The following COL4A6 variants were observed in gnomAD, a reference collection of about 807,000 sequenced individuals.
COL4A6 encodes collagen type IV alpha 6 chain, also known as collagen alpha-6(IV) chain.
In COL4A6, 59 loss-of-function variants were observed where a neutral mutation model predicts 126.7. That is an observed-to-expected ratio of 0.47 (90% CI 0.38 to 0.58). The LOEUF is 0.58. COL4A6 is among the 20% of genes least tolerant of loss of function. The pLI is 0.00. For synonymous variants in COL4A6, 547 were observed against 496.6 expected (o/e 1.10, Z -1.35); for missense variants, 1,285 against 1,337.3 (o/e 0.96, Z 0.61).
At chrX:108,240,374 T>A (rs1239588827) in intron 3 of COL4A6, among the ~76,000 whole-genome samples, 1 of 112,479 alleles carries the variant, frequency 8.9e-6, no homozygotes, top group Non-Finnish European at 1.9e-5. Context: ...TTGATTCAGA[T>A]CTATTACATC....
chrX:108,438,015 G>C (rs1193890029), intron 1 of COL4A6, 22 bp from the exon 2 acceptor site: 1 of 1,208,758 alleles, frequency 8.3e-7, no homozygotes. Context: ...GGGAGGGTGA[G>C]TAATGGGCTC....
intron 3 of COL4A6, among the ~76,000 whole-genome samples, chrX:108,303,840 T>C (rs1369747010): frequency 2.7e-5 from 3 of 111,638 alleles, no homozygotes; most frequent in African/African-American, 9.8e-5. Context: ...AAATGAGTTA[T>C]ATCTGAGGCA....
intron 3 of COL4A6, among the ~76,000 whole-genome samples, chrX:108,256,343 T>C (rs1475118757): frequency 1.8e-5 from 2 of 112,201 alleles, no homozygotes; most frequent in Non-Finnish European, 3.8e-5. Flanking sequence ...TTACTGGCTC[T>C]AGCATCCTGA....
chrX:108,175,545 T>C, intron 29 of COL4A6, 109 bp downstream of exon 29: 1 of 914,465 alleles, frequency 1.1e-6, no homozygotes, highest in South Asian at 2.8e-5. Flanking sequence ...CAAATTTTTA[T>C]TATCTAACAT....
chrX:108,437,453 A>G (rs959519201), intron 2 of COL4A6, among the ~76,000 whole-genome samples: 1 of 111,223 alleles, frequency 9.0e-6, no homozygotes, highest in Non-Finnish European at 1.9e-5. Context: ...CAATTCAGGT[A>G]GTTAAAGAAT....
intron 3 of COL4A6, among the ~76,000 whole-genome samples, chrX:108,276,339 T>C (rs1232457856): frequency 8.9e-6 from 1 of 112,651 alleles, no homozygotes; most frequent in East Asian, 2.8e-4. Flanking sequence ...AAATTGACAT[T>C]TAGCTGGTAA....
chrX:108,352,766 T>G (rs1389674990), intron 2 of COL4A6, among the ~76,000 whole-genome samples: 1 of 112,383 alleles, frequency 8.9e-6, no homozygotes, highest in Middle Eastern at 4.6e-3. Flanking sequence ...GTAGGTGCTT[T>G]GGACCATCAT....
At chrX:108,357,480 G>T in intron 2 of COL4A6, among the ~76,000 whole-genome samples, 1 of 111,313 alleles carries the variant, frequency 9.0e-6, no homozygotes, top group Non-Finnish European at 1.9e-5. Context: ...TTCCCCACCT[G>T]ACAAACACTG....
At chrX:108,194,044 C>T (rs1310741806) in intron 16 of COL4A6, among the ~76,000 whole-genome samples, 1 of 112,432 alleles carries the variant, frequency 8.9e-6, no homozygotes, top group African/African-American at 3.2e-5. Context: ...TCTCAACAGG[C>T]CTGGGCCTCT....
rs761777786 is a variant in COL4A6, at chrX:108,222,750, T to C, written c.145-1376A>G. The stretch of plus-strand genomic sequence containing the variant: ...GCAAACTGTTTAACAGGCTTCATTC[T>C]GGGAATGATGGGGGTGGAGTAAACT... On this transcript the variant is annotated intron_variant, in intron 3 of 44. Transcript: ENST00000334504. Among the ~76,000 whole-genome samples, 6 of 112,141 alleles carry C rather than the reference T, an allele frequency of 5.4e-5. No individual in the cohort carries two copies. In the Admixed American group the frequency reaches 5.7e-4, roughly 11 times the overall value.
chrX:108,158,367 C>G (rs1199282669), intron 44 of COL4A6, among the ~76,000 whole-genome samples: 2 of 112,766 alleles, frequency 1.8e-5, no homozygotes, highest in Non-Finnish European at 3.7e-5. Context: ...AGTCCAACTT[C>G]TCACCCTTAC....
At chrX:108,310,876 A>G in intron 2 of COL4A6, 48 bp from the exon 3 acceptor site, 1 of 1,026,080 alleles carries the variant, frequency 9.7e-7, no homozygotes. Flanking sequence ...CCAAGAAGCA[A>G]TGTTGTCCCA....
At chrX:108,426,063 A>G (rs1354989533) in intron 2 of COL4A6, among the ~76,000 whole-genome samples, 1 of 111,535 alleles carries the variant, frequency 9.0e-6, no homozygotes, top group Non-Finnish European at 1.9e-5. Context: ...CAACTTAATC[A>G]TATCTAAAAG....
chrX:108,252,904 T>C (rs925625128), intron 3 of COL4A6, among the ~76,000 whole-genome samples: 1 of 111,788 alleles, frequency 8.9e-6, no homozygotes, highest in Non-Finnish European at 1.9e-5. Flanking sequence ...GACAAAACCA[T>C]GTGATCATGT....
At chrX:108,282,890 C>T (rs764205321) in intron 3 of COL4A6, among the ~76,000 whole-genome samples, 2 of 106,658 alleles carry the variant, frequency 1.9e-5, no homozygotes, top group Admixed American at 1.0e-4. Flanking sequence ...AGTAAACTAT[C>T]GCAAGAACAT....
intron 2 of COL4A6, among the ~76,000 whole-genome samples, chrX:108,340,912 T>C (rs2039548632): frequency 1.8e-5 from 2 of 109,424 alleles, no homozygotes. Flanking sequence ...ATAAAGGCCA[T>C]GAAAGGAAAA....
intron 2 of COL4A6, among the ~76,000 whole-genome samples, chrX:108,423,623 G>C (rs1216632932): frequency 1.8e-5 from 2 of 111,468 alleles, no homozygotes; most frequent in Admixed American, 9.5e-5. Context: ...TTAATAACAT[G>C]ATTATTAAAT....
chrX:108,222,780 A>G (rs903898191), intron 3 of COL4A6, among the ~76,000 whole-genome samples: 65 of 111,871 alleles, frequency 5.8e-4, no homozygotes, highest in Admixed American at 2.2e-3. Context: ...TAAACTTTCA[A>G]TTTTTAGGCT....
chrX:108,188,505 G>A lies in COL4A6; in HGVS notation c.1587+12C>T. The A allele has an allele frequency of 9.1e-7, 1 of 1,099,666 alleles. No homozygotes were observed. The highest frequency in any genetic ancestry group is 2.6e-5 in the South Asian group (1 of 38,801). 90.6% of individuals were successfully genotyped at this position (1,099,666 alleles called of 1,213,427 possible). On this transcript the variant is annotated intron_variant, in intron 21 of 44. Transcript: ENST00000334504. ...CATTGCTTCCTCAGGGTCAAAGTTTGGCAAGACTTACTGGAGCCCCTGCTG... is the reference window on the plus strand; with the variant it reads ...CATTGCTTCCTCAGGGTCAAAGTTTAGCAAGACTTACTGGAGCCCCTGCTG...
Sources: gnomAD v4.1 joint callset for allele counts (sites outside exome capture counted in the v4.1 genomes callset) on GRCh38, gnomAD v4.1.1 for gene constraint, MANE v1.5 for transcripts, NCBI Gene and HGNC (gene_info 2026-07-23, HGNC 2026-07-21) for gene names.